DCBLD1: variants seen among roughly 807,000 people sequenced by gnomAD.
DCBLD1 encodes the protein discoidin, CUB and LCCL domain-containing protein 1.
A neutral mutation model predicts 71.5 loss-of-function variants in DCBLD1; 57 were observed. The ratio of observed to expected loss-of-function variants is 0.80; its 90% confidence interval spans 0.64 to 0.99. The LOEUF is 0.99. DCBLD1 is among the 50% of genes least tolerant of loss of function. The pLI is 0.00. For missense variants in DCBLD1, 891 were observed against 923.5 expected, an observed-to-expected ratio of 0.96 and a Z score of 0.46; for synonymous variants, 380 against 363.8, an observed-to-expected ratio of 1.04 and a Z score of -0.51.
In DCBLD1 at chr6:117,548,938, G is replaced by T; in HGVS notation, c.*499G>T. 2 of 988,896 alleles carry T rather than the reference G, an allele frequency of 2.0e-6. No homozygotes were observed. Among genetic ancestry groups the T allele is most frequent in the Non-Finnish European group, 2.4e-6 (2 of 832,134 alleles). 61.3% of individuals were successfully genotyped at this position (988,896 alleles called of 1,614,324 possible). A position where few individuals can be genotyped will look rare whatever the true frequency, so the allele number is the denominator to read the frequency against. ...GCTTAAACCTAGTCTTGTTGTTATT[G>T]AGTCATTTCCTCTCCTTTGATAACT... On this transcript the variant is annotated 3_prime_UTR_variant, in exon 15 of 15. Coordinates refer to ENST00000338728, the MANE Select transcript of DCBLD1 (RefSeq NM_001366458.2).
intron 2 of DCBLD1, among the ~76,000 whole-genome samples, chr6:117,517,735 C>T (rs1477123204): frequency 1.3e-5 from 2 of 152,234 alleles, no homozygotes; most frequent in Non-Finnish European, 2.9e-5. Flanking sequence ...CTTGCACCCT[C>T]TGAAGTCCTG....
downstream of DCBLD1, among the ~76,000 whole-genome samples, chr6:117,552,646 C>T (rs1436659011): frequency 6.6e-6 from 1 of 152,158 alleles, no homozygotes; most frequent in African/African-American, 2.4e-5. Flanking sequence ...CTTCATTCCT[C>T]CTTTGTAATC....
chr6:117,542,612 A>G (rs1218905740), intron 11 of DCBLD1, among the ~76,000 whole-genome samples: 1 of 152,176 alleles, frequency 6.6e-6, no homozygotes, highest in Non-Finnish European at 1.5e-5. Flanking sequence ...TTAGGTCATC[A>G]GGCTGCACTT....
Position 117,549,549 on chromosome 6 carries a change from CAA to C in DCBLD1, c.*1112_*1113del. The C allele has an allele frequency of 1.0e-6, 1 of 985,062 alleles. No individual in the cohort carries two copies. Among genetic ancestry groups the C allele is most frequent in the Non-Finnish European group, 1.2e-6 (1 of 829,892 alleles). The allele number at this position is 985,062 out of a possible 1,614,324, so 61.0% of individuals were successfully genotyped here. On this transcript the variant is annotated 3_prime_UTR_variant, in exon 15 of 15. Transcript: ENST00000338728. ...CTATGGGAGATTTAACCTCTTTTGCCAAAGAGGGAAGTGTGTGTGTTTTTTTA... is the reference window on the plus strand; with the variant it reads ...CTATGGGAGATTTAACCTCTTTTGCCAGAGGGAAGTGTGTGTGTTTTTTTA...
intron 2 of DCBLD1, among the ~76,000 whole-genome samples, chr6:117,511,673 T>C (rs9387485): frequency 0.023 from 3,459 of 152,312 alleles, 110 homozygotes; most frequent in East Asian, 0.1. Context: ...TGCAATAAGA[T>C]CTAATAATTA....
At chr6:117,559,858 T>C (rs1339935702) in intron 14 of DCBLD1, among the ~76,000 whole-genome samples, 1 of 152,190 alleles carries the variant, frequency 6.6e-6, no homozygotes, top group African/African-American at 2.4e-5. Flanking sequence ...GGAAAAGACT[T>C]CTTTTCAAAT....
At chr6:117,483,965 A>G (rs998805217) in intron 1 of DCBLD1, among the ~76,000 whole-genome samples, 1 of 152,134 alleles carries the variant, frequency 6.6e-6, no homozygotes, top group African/African-American at 2.4e-5. Context: ...CTAAGTTTAT[A>G]TTACATACCA....
chr6:117,540,081 A>G (rs1779040087), intron 9 of DCBLD1: 1 of 152,524 alleles, frequency 6.6e-6, no homozygotes, highest in African/African-American at 2.4e-5. Context: ...CAAAAAAAAG[A>G]AAAAGAAAAA....
At chr6:117,488,808 A>G (rs9489211) in intron 1 of DCBLD1, among the ~76,000 whole-genome samples, 13,801 of 152,176 alleles carry the variant, frequency 0.091, 723 homozygotes, top group Middle Eastern at 0.16. Context: ...ATGCTTATAC[A>G]TTTAGGGTAT....
At chr6:117,525,568 A>G in intron 5 of DCBLD1, 134 bp downstream of exon 5, 1 of 572,662 alleles carries the variant, frequency 1.7e-6, no homozygotes, top group Non-Finnish European at 2.7e-6. Flanking sequence ...TCCTCTGAGA[A>G]TAAATGAAAT....
chr6:117,539,588 CAA>C (rs1305323699), intron 9 of DCBLD1: 1 of 405,988 alleles, frequency 2.5e-6, no homozygotes, highest in Non-Finnish European at 4.1e-6. Context: ...CCCACCACTA[CAA>C]AAAAAAATTT....
intron 14 of DCBLD1, among the ~76,000 whole-genome samples, chr6:117,547,267 T>C (rs1779297030): frequency 6.6e-6 from 1 of 152,226 alleles, no homozygotes; most frequent in Non-Finnish European, 1.5e-5. Flanking sequence ...GTTCGAATCC[T>C]ACTCCATCGC....
chr6:117,496,510 A>T (rs893375366), intron 1 of DCBLD1, among the ~76,000 whole-genome samples: 1 of 151,974 alleles, frequency 6.6e-6, no homozygotes, highest in Admixed American at 6.6e-5. Flanking sequence ...ATCAGACAAA[A>T]CTCTGTAATA....
chr6:117,491,817 G>C (rs1057232405), intron 1 of DCBLD1, among the ~76,000 whole-genome samples: 1 of 152,104 alleles, frequency 6.6e-6, no homozygotes, highest in Non-Finnish European at 1.5e-5. Context: ...CACAGCTCAC[G>C]TCCTAAAGTG....
rs562391523 is a variant in DCBLD1, at chr6:117,502,145, T to A, written c.113-1622T>A. On this transcript the variant is annotated intron_variant, in intron 1 of 14. Transcript: ENST00000338728. Reference sequence around the variant, plus strand: ...CTGTAGCGTTGTCCAGCCAGGTTGATCATCTTTTTCTAATACCTGTTTCGT... The same window carrying A: ...CTGTAGCGTTGTCCAGCCAGGTTGAACATCTTTTTCTAATACCTGTTTCGT... 4.9e-4 allele frequency among the ~76,000 whole-genome samples: 74 copies of A among 152,330 alleles called. 1 individual carries two copies. Among genetic ancestry groups the A allele is most frequent in the Non-Finnish European group, 8.4e-4 (57 of 68,032 alleles).
At chr6:117,509,962 G>A (rs750346311) in intron 2 of DCBLD1, among the ~76,000 whole-genome samples, 7 of 152,136 alleles carry the variant, frequency 4.6e-5, no homozygotes, top group African/African-American at 9.7e-5. Context: ...GCCAGTCTAC[G>A]TCTTTGCATC....
intron 12 of DCBLD1, among the ~76,000 whole-genome samples, chr6:117,543,937 G>C (rs1160127611): frequency 6.6e-6 from 1 of 152,134 alleles, no homozygotes; most frequent in Non-Finnish European, 1.5e-5. Context: ...TGTTTATTTT[G>C]ACAAATGTTA....
At chr6:117,522,289 A>T (rs1249110578) in intron 4 of DCBLD1, among the ~76,000 whole-genome samples, 1 of 152,162 alleles carries the variant, frequency 6.6e-6, no homozygotes, top group Non-Finnish European at 1.5e-5. Context: ...ACTTAGCAGC[A>T]TCCCTGGCCT....
intron 11 of DCBLD1, among the ~76,000 whole-genome samples, chr6:117,541,589 A>G (rs1425264962): frequency 6.6e-6 from 1 of 152,216 alleles, no homozygotes; most frequent in Non-Finnish European, 1.5e-5. Flanking sequence ...ATAAGTATAT[A>G]ATCTATTCAA....
Sources: gnomAD v4.1 joint callset for allele counts (sites outside exome capture counted in the v4.1 genomes callset) on GRCh38, gnomAD v4.1.1 for gene constraint, MANE v1.5 for transcripts, NCBI Gene and HGNC (gene_info 2026-07-23, HGNC 2026-07-21) for gene names.